Variants in ATP2C2 observed in about 807,000 individuals in gnomAD.
ATP2C2 encodes ATPase secretory pathway Ca2+ transporting 2.
A neutral mutation model predicts 110.8 loss-of-function variants in ATP2C2; 171 were observed. That is an observed-to-expected ratio of 1.54 (90% CI 1.36 to 1.75). ATP2C2 has a LOEUF of 1.75. ATP2C2 is among the 40% of genes most tolerant of loss of function. The pLI is 0.00. For missense variants in ATP2C2, 1,963 were observed against 1,235.0 expected, an observed-to-expected ratio of 1.59 and a Z score of -8.84; for synonymous variants, 804 against 508.4, an observed-to-expected ratio of 1.58 and a Z score of -7.82.
At position 84,385,260 on chromosome 16, in the gene ATP2C2, G is replaced by A. The variant is rs1024202359; in HGVS notation, c.100-13239G>A. Among the ~76,000 whole-genome samples, 7 of 151,638 alleles carry A rather than the reference G, an allele frequency of 4.6e-5. No individual in the cohort carries two copies. The East Asian group carries it at 5.8e-4, about 13-fold the overall frequency. ...AGGAGCAAGAGAGAGAGCAGGGGAC[G>A]GTGTCCCATGCTTTTAAATGACGAG... On this transcript the variant is annotated intron_variant, in intron 1 of 26. Coordinates refer to ENST00000262429, the MANE Select transcript of ATP2C2 (RefSeq NM_014861.4).
rs538656082 is a variant in ATP2C2 at position 84,415,109 on chromosome 16, C to T, written c.516-374C>T. 2.6e-5 allele frequency among the ~76,000 whole-genome samples: 4 copies of T among 152,200 alleles called. No individual in the cohort carries two copies. The East Asian group carries it at 7.8e-4, about 29-fold the overall frequency. ...GATAAGGCTCTGCCATCCCTGACTTCCTGAGACAGACCCTGCACCCTGAGT... is the reference window on the plus strand; with the variant it reads ...GATAAGGCTCTGCCATCCCTGACTTTCTGAGACAGACCCTGCACCCTGAGT... On this transcript the variant is annotated intron_variant, in intron 6 of 26. Coordinates refer to ENST00000262429, the MANE Select transcript of ATP2C2 (RefSeq NM_014861.4).
At position 84,451,946 on chromosome 16, in the gene ATP2C2, G is replaced by A; in HGVS notation, c.1686G>A (p.Glu562=). The change falls in exon 18 of 27, where the codon GAG becomes GAA. Residue 562 remains glutamate (E), a synonymous_variant. Transcript: ENST00000262429. ...LRVLALASGP[E]LGRLTFLGLV... is the part of the protein sequence containing the mutation. ...TGCTGGCCCTGGCTTCTGGGCCCGAGCTGGGGCGGCTGACGTTTCTCGGTC... is the reference window on the plus strand; with the variant it reads ...TGCTGGCCCTGGCTTCTGGGCCCGAACTGGGGCGGCTGACGTTTCTCGGTC... The A allele has an allele frequency of 1.2e-6, 2 of 1,614,036 alleles. No homozygotes were observed. Among genetic ancestry groups the A allele is most frequent in the Non-Finnish European group, 8.5e-7 (1 of 1,180,018 alleles).
At chr16:84,463,454 G>A (rs947650255) in intron 26 of ATP2C2, among the ~76,000 whole-genome samples, 160 bp from the exon 27 acceptor site, 1 of 152,254 alleles carries the variant, frequency 6.6e-6, no homozygotes, top group African/African-American at 2.4e-5. Flanking sequence ...GCAGCATTTT[G>A]GATTCTGGGT....
chr16:84,391,062 C>A (rs940773795), intron 1 of ATP2C2, among the ~76,000 whole-genome samples: 1 of 128,898 alleles, frequency 7.8e-6, no homozygotes, highest in African/African-American at 3.0e-5. Context: ...TGCAGTGAGC[C>A]GAGATCACAC....
At position 84,400,329 on chromosome 16, in the gene ATP2C2, G is replaced by GTTTT. The variant is rs112134569; in HGVS notation, c.210+1722_210+1723insTTTT. Among the ~76,000 whole-genome samples, 2 of 136,414 alleles carry GTTTT rather than the reference G, an allele frequency of 1.5e-5. 1 individual carries two copies. The highest frequency in any genetic ancestry group is 5.5e-5 in the African/African-American group (2 of 36,468). 89.5% of individuals were successfully genotyped at this position (136,414 alleles called of 152,430 possible). A position where few individuals can be genotyped will look rare whatever the true frequency, so the allele number is the denominator to read the frequency against. ...ATAATAGTTGTATTTTTAGTTTTTT[G>GTTTT]TTGTTTTTTTTTTTTGAGATGGAGT... On this transcript the variant is annotated intron_variant, in intron 2 of 26. Transcript: ENST00000262429.
chr16:84,393,784 T>G (rs1483514290), intron 1 of ATP2C2, among the ~76,000 whole-genome samples: 2 of 151,346 alleles, frequency 1.3e-5, no homozygotes, highest in Non-Finnish European at 2.9e-5. Flanking sequence ...CCGACACAGG[T>G]GGGACCCAGG....
In ATP2C2 at chr16:84,460,189, T is replaced by G; in HGVS notation, c.2334-465T>G. The G allele has an allele frequency of 1.4e-5, 3 of 208,708 alleles. No individual in the cohort carries two copies. In the South Asian group the frequency reaches 2.5e-4, roughly 17 times the overall value. The allele number at this position is 208,708 out of a possible 1,614,324, so 12.9% of individuals were successfully genotyped here. A position where few individuals can be genotyped will look rare whatever the true frequency, so the allele number is the denominator to read the frequency against. On this transcript the variant is annotated intron_variant, in intron 23 of 26. Transcript: ENST00000262429. ...CCAGGAAGCTGGCCTCAGCTGTGTC[T>G]GAGCGGCAGGGCCTCACCCGGCCAC...
At chr16:84,442,018 C>T (rs1909308881) in intron 14 of ATP2C2, among the ~76,000 whole-genome samples, 2 of 152,132 alleles carry the variant, frequency 1.3e-5, no homozygotes, top group Admixed American at 1.3e-4. Context: ...AGTGTCCAGG[C>T]TCACCAGGCC....
intron 17 of ATP2C2, among the ~76,000 whole-genome samples, chr16:84,449,360 G>A (rs1910047974): frequency 1.3e-5 from 2 of 152,082 alleles, no homozygotes; most frequent in Admixed American, 6.5e-5. Context: ...AGCCAGCGCC[G>A]AGCACGTGTC....
Position 84,398,603 on chromosome 16 carries a change from G to A in ATP2C2, c.204G>A (p.Ala68=), listed in dbSNP as rs766018465. 33 of 1,607,302 alleles carry A rather than the reference G, an allele frequency of 2.1e-5. No individual in the cohort carries two copies. The highest frequency in any genetic ancestry group is 3.3e-5 in the South Asian group (3 of 90,186). The change falls in exon 2 of 27, where the codon GCG becomes GCA. Residue 68 remains alanine (A), a synonymous_variant. Coordinates refer to ENST00000262429, the MANE Select transcript of ATP2C2 (RefSeq NM_014861.4). ...CKCQKEDLAR[A]FCVDLHTGLS... ...GCCAGAAAGAGGATTTGGCCAGAGC[G>A]TTTTGTGTAAGAATTGAATTTGCAT...
At chr16:84,427,797 A>G (rs1373144558) in intron 11 of ATP2C2, among the ~76,000 whole-genome samples, 1 of 152,052 alleles carries the variant, frequency 6.6e-6, no homozygotes, top group African/African-American at 2.4e-5. Context: ...GGGGTTGGGG[A>G]GTGTGTAGTG....
At position 84,455,400 on chromosome 16, in the gene ATP2C2, C is replaced by T. The variant is rs77579585; in HGVS notation, c.2147+416C>T. On this transcript the variant is annotated intron_variant, in intron 21 of 26. Coordinates refer to ENST00000262429, the MANE Select transcript of ATP2C2 (RefSeq NM_014861.4). ...AGAAAGGATTAAAATGAACATCTTC[C>T]GTTTGAGGCCTGCGTGTTGATACAT... Among the ~76,000 whole-genome samples, 659 of 152,170 alleles carry T rather than the reference C, an allele frequency of 4.3e-3. 4 individuals carry two copies. Among genetic ancestry groups the T allele is most frequent in the African/African-American group, 0.015 (643 of 41,522 alleles).
Position 84,438,477 on chromosome 16 carries a change from G to C in ATP2C2, c.987-689G>C, listed in dbSNP as rs568040779. ...GACACACCCAGAGAAGGGGTATCAT[G>C]TGCTGCAGCCCCAGTCTCATTTCCA... is the stretch of plus-strand genomic sequence containing the variant. On this transcript the variant is annotated intron_variant, in intron 11 of 26. Coordinates refer to ENST00000262429, the MANE Select transcript of ATP2C2 (RefSeq NM_014861.4). Among the ~76,000 whole-genome samples the C allele has an allele frequency of 2.6e-5, 4 of 152,326 alleles. No individual in the cohort carries two copies. In the South Asian group the frequency reaches 8.3e-4, roughly 32 times the overall value.
chr16:84,453,619 T>G (rs1435361241), intron 20 of ATP2C2, among the ~76,000 whole-genome samples: 3 of 152,124 alleles, frequency 2.0e-5, no homozygotes, highest in Non-Finnish European at 4.4e-5. Context: ...ACACTTGCGC[T>G]GACAGCCCCT....
At chr16:84,388,710 A>G (rs1267096780) in intron 1 of ATP2C2, among the ~76,000 whole-genome samples, 1 of 152,202 alleles carries the variant, frequency 6.6e-6, no homozygotes, top group African/African-American at 2.4e-5. Context: ...GATTCTCTCC[A>G]AAGGCATCGA....
chr16:84,463,548 G>C (rs546232137), intron 26 of ATP2C2, 66 bp from the exon 27 acceptor site: 2 of 1,367,744 alleles, frequency 1.5e-6, no homozygotes. Flanking sequence ...GGCAGGGAAG[G>C]CGCTTCCTGC....
chr16:84,422,163 A>C (rs1405475531), intron 7 of ATP2C2, among the ~76,000 whole-genome samples: 2 of 152,170 alleles, frequency 1.3e-5, no homozygotes, highest in African/African-American at 4.8e-5. Flanking sequence ...AAAATTTCGA[A>C]CAACATTAAG....
chr16:84,394,538 C>G (rs1191205711), intron 1 of ATP2C2, among the ~76,000 whole-genome samples: 1 of 152,058 alleles, frequency 6.6e-6, no homozygotes, highest in Non-Finnish European at 1.5e-5. Flanking sequence ...GCTATGGTCA[C>G]CGAGTACCAA....
intron 11 of ATP2C2, among the ~76,000 whole-genome samples, chr16:84,432,730 A>G (rs1053859507): frequency 6.6e-6 from 1 of 152,132 alleles, no homozygotes. Flanking sequence ...TATGTTGGCC[A>G]GGCTCATCTC....
Sources: allele counts gnomAD v4.1 joint callset (sites outside exome capture counted in the v4.1 genomes callset), GRCh38; gene constraint gnomAD v4.1.1; transcripts MANE v1.5; gene names NCBI Gene and HGNC (gene_info 2026-07-23, HGNC 2026-07-21).